Variants in SPATA17 observed in about 807,000 individuals in gnomAD.
The protein encoded by SPATA17 is spermatogenesis associated 17.
SPATA17 carries 53 observed loss-of-function variants against 62.2 expected under a neutral mutation model. That is an observed-to-expected ratio of 0.85 (90% CI 0.68 to 1.07). The LOEUF (loss-of-function observed/expected upper bound fraction) is 1.07, where lower values mean the gene tolerates loss of function less well. Among genes scored for constraint, SPATA17 ranks in the 50% least tolerant of loss-of-function variants. The pLI is 0.00. For missense variants in SPATA17, 466 were observed against 425.5 expected, an observed-to-expected ratio of 1.10 and a Z score of -0.84; for synonymous variants, 146 against 146.8, an observed-to-expected ratio of 0.99 and a Z score of 0.04.
chr1:217,776,603 G>A (rs1320999259), intron 7 of SPATA17, among the ~76,000 whole-genome samples: 2 of 151,300 alleles, frequency 1.3e-5, no homozygotes, highest in Non-Finnish European at 2.9e-5. Context: ...CTTTGGGAGG[G>A]TGAGGTGGGA....
intron 7 of SPATA17, among the ~76,000 whole-genome samples, chr1:217,775,626 C>T (rs1673568927): frequency 6.6e-6 from 1 of 151,956 alleles, no homozygotes; most frequent in African/African-American, 2.4e-5. Context: ...CACTTGAACT[C>T]GGGAGGCGGA....
intron 5 of SPATA17, among the ~76,000 whole-genome samples, chr1:217,684,125 TAGG>T (rs1671164320): frequency 6.6e-6 from 1 of 152,164 alleles, no homozygotes; most frequent in African/African-American, 2.4e-5. Context: ...TTTAAACACA[TAGG>T]AGGATAGGAC....
intron 9 of SPATA17, among the ~76,000 whole-genome samples, chr1:217,803,143 A>T (rs1303086925): frequency 6.6e-6 from 1 of 151,958 alleles, no homozygotes; most frequent in African/African-American, 2.4e-5. Flanking sequence ...CCTTCTCCTG[A>T]CCTGGTGATC....
intron 9 of SPATA17, chr1:217,850,386 T>C: frequency 9.9e-7 from 1 of 1,009,154 alleles, no homozygotes; most frequent in Non-Finnish European, 1.5e-6. Flanking sequence ...GCACTGCAAA[T>C]GCAAGACTGA....
intron 3 of SPATA17, among the ~76,000 whole-genome samples, chr1:217,666,258 G>T (rs922643469): frequency 1.3e-5 from 2 of 152,150 alleles, no homozygotes; most frequent in African/African-American, 4.8e-5. Flanking sequence ...TTAACATTCC[G>T]TAGGTACAAT....
At chr1:217,727,793 A>G (rs1412651175) in intron 5 of SPATA17, among the ~76,000 whole-genome samples, 1 of 152,208 alleles carries the variant, frequency 6.6e-6, no homozygotes, top group South Asian at 2.1e-4. Flanking sequence ...TAGAGTCTCA[A>G]TAGACCTCAG....
intron 5 of SPATA17, among the ~76,000 whole-genome samples, chr1:217,686,065 C>G (rs191789918): frequency 1.8e-4 from 28 of 152,186 alleles, no homozygotes; most frequent in African/African-American, 6.0e-4. Context: ...TTTCAGGCAG[C>G]CACAAAGAGC....
chr1:217,789,644 A>C (rs1275640297), intron 8 of SPATA17, among the ~76,000 whole-genome samples: 1 of 152,200 alleles, frequency 6.6e-6, no homozygotes, highest in Non-Finnish European at 1.5e-5. Flanking sequence ...TTGGCCTAAA[A>C]GGGTGAGATA....
chr1:217,650,562 G>A (rs1227477286), intron 2 of SPATA17, among the ~76,000 whole-genome samples: 2 of 151,868 alleles, frequency 1.3e-5, no homozygotes, highest in African/African-American at 4.8e-5. Context: ...GACTACAGGC[G>A]CGCACCGCCA....
chr1:217,790,438 A>G (rs1248415804), intron 8 of SPATA17, among the ~76,000 whole-genome samples: 1 of 151,542 alleles, frequency 6.6e-6, no homozygotes, highest in Non-Finnish European at 1.5e-5. Flanking sequence ...TAAGTAAATT[A>G]CTCACTTTTA....
rs77438746 is a variant in SPATA17 at position 217,836,360 on chromosome 1, G to A, written c.1006-26414G>A. Among the ~76,000 whole-genome samples, 374 of 152,158 alleles carry A rather than the reference G, an allele frequency of 2.5e-3. 3 individuals are homozygous for A. Among genetic ancestry groups the A allele is most frequent in the South Asian group, 6.0e-3 (29 of 4,824 alleles). ...TAACTTTTAATCATTTTGAAAATAA[G>A]AAAACAGCCTATATAGTTTCTAAAA... is the stretch of plus-strand genomic sequence containing the variant. On this transcript the variant is annotated intron_variant, in intron 9 of 10. Coordinates refer to ENST00000366933, the MANE Select transcript of SPATA17 (RefSeq NM_138796.4).
At chr1:217,790,777 T>C (rs574330546) in intron 8 of SPATA17, among the ~76,000 whole-genome samples, 43 of 152,308 alleles carry the variant, frequency 2.8e-4, no homozygotes, top group Admixed American at 7.2e-4. Flanking sequence ...TAAGTATGAT[T>C]TCGTAGACAT....
rs200138733 is a variant in SPATA17 at position 217,802,012 on chromosome 1, A to G, written c.1005+162A>G. Among the ~76,000 whole-genome samples, 8 of 149,118 alleles carry G rather than the reference A, an allele frequency of 5.4e-5. No individual in the cohort carries two copies. The East Asian group carries it at 1.6e-3, about 29-fold the overall frequency. ...AGATGGTGCTGCTGACCTATGTAAG[A>G]TTTTTTTTTTTCAGTATTGTATTCT... is the stretch of plus-strand genomic sequence containing the variant. On this transcript the variant is annotated intron_variant, in intron 9 of 10. Transcript: ENST00000366933.
At chr1:217,683,852 C>T (rs1236957456) in intron 5 of SPATA17, among the ~76,000 whole-genome samples, 2 of 151,878 alleles carry the variant, frequency 1.3e-5, no homozygotes, top group African/African-American at 2.4e-5. Flanking sequence ...AATCTTGTAT[C>T]CTTCACTGCA....
intron 9 of SPATA17, among the ~76,000 whole-genome samples, chr1:217,803,589 A>C (rs913887638): frequency 6.6e-6 from 1 of 152,218 alleles, no homozygotes; most frequent in African/African-American, 2.4e-5. Flanking sequence ...AGAAGACACA[A>C]ATAAATGGAA....
chr1:217,845,765 A>C (rs796775787), intron 9 of SPATA17, among the ~76,000 whole-genome samples: 4 of 152,240 alleles, frequency 2.6e-5, no homozygotes, highest in African/African-American at 9.6e-5. Context: ...ATTGTAAAGC[A>C]TCAAAAGACT....
intron 5 of SPATA17, among the ~76,000 whole-genome samples, chr1:217,719,726 T>A (rs1033356557): frequency 6.6e-6 from 1 of 152,168 alleles, no homozygotes; most frequent in African/African-American, 2.4e-5. Flanking sequence ...ATAGTAAATA[T>A]TGGGAGAAGT....
At chr1:217,641,830 C>T (rs1211208052) in intron 1 of SPATA17, among the ~76,000 whole-genome samples, 1 of 152,144 alleles carries the variant, frequency 6.6e-6, no homozygotes, top group Non-Finnish European at 1.5e-5. Flanking sequence ...TGGCACATTT[C>T]TACCATCTAA....
At chr1:217,766,273 T>C (rs1673297745) in intron 6 of SPATA17, among the ~76,000 whole-genome samples, 1 of 152,082 alleles carries the variant, frequency 6.6e-6, no homozygotes, top group South Asian at 2.1e-4. Context: ...ACACTCTTTT[T>C]CTGTCCTTTG....
Sources: gnomAD v4.1 joint callset for allele counts (sites outside exome capture counted in the v4.1 genomes callset) on GRCh38, gnomAD v4.1.1 for gene constraint, MANE v1.5 for transcripts, NCBI Gene and HGNC (gene_info 2026-07-23, HGNC 2026-07-21) for gene names.